FLI1: variants seen among roughly 807,000 people sequenced by gnomAD.
FLI1 encodes the protein Friend leukemia integration 1 transcription factor.
Under a neutral mutation model 53.1 loss-of-function variants are expected in FLI1, and 13 were observed. The observed-to-expected ratio is 0.24, with a 90% CI of 0.16 to 0.39. FLI1 has a LOEUF of 0.39. FLI1 is among the 10% of genes least tolerant of loss of function. FLI1 has a pLI of 1.00. For synonymous variants in FLI1, 244 were observed against 236.7 expected (o/e 1.03, Z -0.28); for missense variants, 424 against 600.5 (o/e 0.71, Z 3.07).
At chr11:128,785,835 G>T (rs1311250438) in intron 5 of FLI1, among the ~76,000 whole-genome samples, 1 of 152,154 alleles carries the variant, frequency 6.6e-6, no homozygotes, top group African/African-American at 2.4e-5. Context: ...TACCAGGAGC[G>T]GCAAGGAGTG....
At chr11:128,721,880 G>A (rs934165842) in intron 1 of FLI1, among the ~76,000 whole-genome samples, 1 of 152,162 alleles carries the variant, frequency 6.6e-6, no homozygotes, top group African/African-American at 2.4e-5. Context: ...AGTGACTCAG[G>A]CCAGGTATTA....
chr11:128,798,798 T>G (rs1194750984), intron 5 of FLI1, among the ~76,000 whole-genome samples: 1 of 152,090 alleles, frequency 6.6e-6, no homozygotes, highest in East Asian at 1.9e-4. Flanking sequence ...TGGTGGGATG[T>G]AGTGAGGACT....
At chr11:128,757,080 C>T (rs567105995) in intron 1 of FLI1, among the ~76,000 whole-genome samples, 3 of 146,026 alleles carry the variant, frequency 2.1e-5, no homozygotes, top group African/African-American at 8.0e-5. Context: ...TTCTTTCTTT[C>T]TTTCTTTCTT....
At chr11:128,712,192 T>C (rs1938807511) in intron 1 of FLI1, among the ~76,000 whole-genome samples, 1 of 152,154 alleles carries the variant, frequency 6.6e-6, no homozygotes, top group Non-Finnish European at 1.5e-5. Flanking sequence ...GAGATCTGGT[T>C]GTTAAAAGAG....
intron 5 of FLI1, among the ~76,000 whole-genome samples, chr11:128,795,031 G>C (rs550907192): frequency 6.6e-6 from 1 of 152,294 alleles, no homozygotes; most frequent in East Asian, 1.9e-4. Context: ...AGCCAACATT[G>C]CGCCACTTCA....
intron 5 of FLI1, among the ~76,000 whole-genome samples, chr11:128,788,092 CA>C (rs374054183): frequency 2.0e-4 from 31 of 151,930 alleles, no homozygotes; most frequent in African/African-American, 5.3e-4. Flanking sequence ...CCGCTAATTA[CA>C]GTATTTTTGA....
upstream of FLI1, chr11:128,692,208 A>T (rs1937770127): frequency 6.6e-6 from 1 of 152,182 alleles, no homozygotes; most frequent in Non-Finnish European, 1.5e-5. Context: ...AAGCACGTGG[A>T]AACGCTGAAG....
chr11:128,807,877 C>T (rs542602501), intron 7 of FLI1, among the ~76,000 whole-genome samples: 14 of 152,324 alleles, frequency 9.2e-5, no homozygotes, highest in Admixed American at 3.3e-4. Flanking sequence ...AAGCCTTCCT[C>T]CTGCTTCCTC....
At chr11:128,763,345 C>G (rs1338503962) in intron 2 of FLI1, among the ~76,000 whole-genome samples, 1 of 152,146 alleles carries the variant, frequency 6.6e-6, no homozygotes, top group Non-Finnish European at 1.5e-5. Flanking sequence ...CTCTGTTAGG[C>G]TGGGTTGCCT....
At chr11:128,787,949 G>A (rs1319342507) in intron 5 of FLI1, among the ~76,000 whole-genome samples, 1 of 151,708 alleles carries the variant, frequency 6.6e-6, no homozygotes, top group East Asian at 1.9e-4. Context: ...TGGGACTACA[G>A]GTGCCCGCCA....
At chr11:128,767,666 C>T (rs1175509293) in intron 2 of FLI1, among the ~76,000 whole-genome samples, 1 of 152,212 alleles carries the variant, frequency 6.6e-6, no homozygotes, top group Non-Finnish European at 1.5e-5. Context: ...CTCTCAAGAA[C>T]TCAGCAGTCA....
intron 1 of FLI1, among the ~76,000 whole-genome samples, chr11:128,729,522 A>G (rs2045520149): frequency 6.6e-6 from 1 of 152,204 alleles, no homozygotes; most frequent in Non-Finnish European, 1.5e-5. Context: ...AAAGGATCAG[A>G]GTGGAGGTAT....
At chr11:128,747,109 G>A (rs1292587582) in intron 1 of FLI1, among the ~76,000 whole-genome samples, 3 of 152,170 alleles carry the variant, frequency 2.0e-5, no homozygotes, top group Non-Finnish European at 2.9e-5. Flanking sequence ...CCCAGGTCAG[G>A]GACAACATTC....
intron 5 of FLI1, among the ~76,000 whole-genome samples, chr11:128,791,138 G>A (rs1032722320): frequency 1.3e-5 from 2 of 152,114 alleles, no homozygotes; most frequent in Non-Finnish European, 2.9e-5. Flanking sequence ...GGGACCGCTA[G>A]AGACAAGTTC....
intron 5 of FLI1, among the ~76,000 whole-genome samples, chr11:128,791,112 C>T (rs1942256445): frequency 6.6e-6 from 1 of 152,100 alleles, no homozygotes; most frequent in South Asian, 2.1e-4. Flanking sequence ...GGAAGACCAT[C>T]CCGATTCAGC....
In FLI1 at chr11:128,805,379, C is replaced by T. The variant is rs1218279703; in HGVS notation, c.669C>T (p.Asp223=). Reference sequence around the variant, plus strand: ...ATTGTTCATTAGACCCTTCTTATGACTCAGTCAGAAGAGGAGCTTGGGGCA... The same window carrying T: ...ATTGTTCATTAGACCCTTCTTATGATTCAGTCAGAAGAGGAGCTTGGGGCA... ...RLSVKEDPSY[D]SVRRGAWGNN... The change falls in exon 6 of 9, where the codon GAC becomes GAT. Residue 223 remains aspartate, a synonymous_variant. Transcript: ENST00000527786. 1.9e-6 allele frequency: 3 copies of T among 1,587,162 alleles called. No homozygotes were observed. Among genetic ancestry groups the T allele is most frequent in the Non-Finnish European group, 1.7e-6 (2 of 1,163,456 alleles).
intron 5 of FLI1, among the ~76,000 whole-genome samples, chr11:128,787,571 C>G (rs534484650): frequency 1.3e-5 from 2 of 152,302 alleles, no homozygotes; most frequent in Non-Finnish European, 1.5e-5. Flanking sequence ...GGGCTCTGGA[C>G]TCAGACTGTG....
At chr11:128,730,194 G>T (rs1939636653) in intron 1 of FLI1, among the ~76,000 whole-genome samples, 1 of 152,156 alleles carries the variant, frequency 6.6e-6, no homozygotes, top group Admixed American at 6.5e-5. Context: ...TTTGTTAAGT[G>T]TGTACTGTGT....
upstream of FLI1, among the ~76,000 whole-genome samples, chr11:128,685,597 G>A (rs1298581386): frequency 6.6e-6 from 1 of 151,856 alleles, no homozygotes; most frequent in East Asian, 1.9e-4. Context: ...CTGGGGTTGG[G>A]GGAGAGACTG....
Sources: gnomAD v4.1 joint callset for allele counts (sites outside exome capture counted in the v4.1 genomes callset) on GRCh38, gnomAD v4.1.1 for gene constraint, MANE v1.5 for transcripts, NCBI Gene and HGNC (gene_info 2026-07-23, HGNC 2026-07-21) for gene names.